Variants in RMDN2 observed in about 807,000 individuals in gnomAD.
RMDN2 encodes regulator of microtubule dynamics 2.
Under a neutral mutation model 52.8 loss-of-function variants are expected in RMDN2, and 61 were observed. That is an observed-to-expected ratio of 1.16 (90% CI 0.94 to 1.43). The LOEUF (loss-of-function observed/expected upper bound fraction) is 1.43, where lower values mean the gene tolerates loss of function less well. RMDN2 is among the 40% of genes most tolerant of loss of function. The pLI is 0.00. For missense variants in RMDN2, 592 were observed against 475.3 expected (o/e 1.25, Z -2.28); for synonymous variants, 180 against 153.1 (o/e 1.18, Z -1.30).
At chr2:37,941,913 C>T (rs145889468) in intron 2 of RMDN2, among the ~76,000 whole-genome samples, 1,735 of 148,314 alleles carry the variant, frequency 0.012, 34 homozygotes, top group African/African-American at 0.041. Flanking sequence ...GGTTCTGTCT[C>T]GCTGGTGTTC....
chr2:37,968,329 G>T (rs536800371), intron 2 of RMDN2, among the ~76,000 whole-genome samples: 1 of 116,920 alleles, frequency 8.6e-6, no homozygotes, highest in Non-Finnish European at 1.7e-5. Flanking sequence ...TGTAATCCCA[G>T]CTTGGGGGGC....
At chr2:37,923,908 C>T (rs1666104894), upstream of RMDN2, among the ~76,000 whole-genome samples, 1 of 152,146 alleles carries the variant, frequency 6.6e-6, no homozygotes, top group African/African-American at 2.4e-5. Context: ...CGCCACCACA[C>T]TCGGCTAATT....
intron 5 of RMDN2, among the ~76,000 whole-genome samples, chr2:37,983,222 T>C (rs1275449928): frequency 6.6e-6 from 1 of 152,212 alleles, no homozygotes; most frequent in Non-Finnish European, 1.5e-5. Context: ...TTGAGGTTAT[T>C]TATCAGTGTG....
chr2:37,969,906 T>G lies in RMDN2; in HGVS notation c.453-4134T>G, dbSNP rs187752866. Reference sequence around the variant, plus strand: ...TCCTGCTTGCTTCCTTGCTTTCTCTTTCTTTCCTTCCTTTCCCTTTCCTGT... The same window carrying G: ...TCCTGCTTGCTTCCTTGCTTTCTCTGTCTTTCCTTCCTTTCCCTTTCCTGT... On this transcript the variant is annotated intron_variant, in intron 2 of 10. Transcript: ENST00000354545. Among the ~76,000 whole-genome samples the G allele has an allele frequency of 3.9e-5, 6 of 152,084 alleles. No homozygotes were observed. The East Asian group carries it at 1.2e-3, about 29-fold the overall frequency.
chr2:37,945,240 T>G (rs1401572757), intron 2 of RMDN2, among the ~76,000 whole-genome samples: 1 of 152,214 alleles, frequency 6.6e-6, no homozygotes, highest in Non-Finnish European at 1.5e-5. Flanking sequence ...AACCAATAGA[T>G]TCTTAAGAAA....
At chr2:37,945,761 A>G (rs1459828375) in intron 2 of RMDN2, among the ~76,000 whole-genome samples, 1 of 152,172 alleles carries the variant, frequency 6.6e-6, no homozygotes, top group Non-Finnish European at 1.5e-5. Context: ...TTTAGACACA[A>G]GGCAGTGGAG....
intron 2 of RMDN2, among the ~76,000 whole-genome samples, chr2:37,941,543 G>T (rs1484827854): frequency 6.6e-6 from 1 of 152,232 alleles, no homozygotes; most frequent in Non-Finnish European, 1.5e-5. Context: ...GGAGTTTTAT[G>T]TGTAAGCACC....
At chr2:38,063,150 G>A (rs1307950672) in intron 10 of RMDN2, among the ~76,000 whole-genome samples, 1 of 152,138 alleles carries the variant, frequency 6.6e-6, no homozygotes, top group Non-Finnish European at 1.5e-5. Context: ...GGATTGCTGG[G>A]TCAAATGGTA....
At chr2:37,948,366 G>T (rs1265275978) in intron 2 of RMDN2, among the ~76,000 whole-genome samples, 2 of 152,142 alleles carry the variant, frequency 1.3e-5, no homozygotes, top group Non-Finnish European at 2.9e-5. Flanking sequence ...ATAAACAAAA[G>T]GTTCATTGGG....
intron 10 of RMDN2, among the ~76,000 whole-genome samples, chr2:38,014,923 T>C (rs572931922): frequency 1.3e-5 from 2 of 152,324 alleles, no homozygotes; most frequent in South Asian, 4.1e-4. Context: ...CAGAGATTTA[T>C]GAGAAAATAA....
At chr2:37,994,788 C>T (rs999908774) in intron 7 of RMDN2, among the ~76,000 whole-genome samples, 5 of 152,188 alleles carry the variant, frequency 3.3e-5, no homozygotes, top group Admixed American at 1.3e-4. Flanking sequence ...CCTAAGTATT[C>T]ACCAAGAGAA....
intron 2 of RMDN2, among the ~76,000 whole-genome samples, chr2:37,955,639 A>G (rs936521170): frequency 6.6e-6 from 1 of 152,092 alleles, no homozygotes; most frequent in Non-Finnish European, 1.5e-5. Context: ...GTAAGTCTCA[A>G]GAGATCTGAT....
intron 2 of RMDN2, among the ~76,000 whole-genome samples, chr2:37,939,349 G>A (rs1212359654): frequency 6.6e-6 from 1 of 152,168 alleles, no homozygotes; most frequent in African/African-American, 2.4e-5. Context: ...GTGTGGTGCT[G>A]AGAAAAATGT....
chr2:37,976,798 A>G (rs1479499620), intron 4 of RMDN2, among the ~76,000 whole-genome samples: 1 of 152,130 alleles, frequency 6.6e-6, no homozygotes, highest in East Asian at 1.9e-4. Flanking sequence ...ATATCTATGT[A>G]AAGTGTTCCA....
intron 2 of RMDN2, among the ~76,000 whole-genome samples, chr2:37,942,708 T>C (rs139452283): frequency 2.6e-5 from 4 of 152,276 alleles, no homozygotes; most frequent in African/African-American, 7.2e-5. Context: ...CATTTAGTCC[T>C]CTCCTATGAA....
At chr2:37,954,433 C>T (rs532930457) in intron 2 of RMDN2, among the ~76,000 whole-genome samples, 2 of 152,196 alleles carry the variant, frequency 1.3e-5, no homozygotes, top group East Asian at 3.9e-4. Context: ...CCAGTTTTCT[C>T]AACACCATTT....
intron 10 of RMDN2, among the ~76,000 whole-genome samples, chr2:38,025,439 C>G (rs1478231051): frequency 6.6e-6 from 1 of 151,962 alleles, no homozygotes; most frequent in Non-Finnish European, 1.5e-5. Context: ...GACAGTTTTA[C>G]TTCTTTCTTT....
intron 7 of RMDN2, among the ~76,000 whole-genome samples, chr2:37,992,358 G>A (rs1334202570): frequency 6.6e-6 from 1 of 152,124 alleles, no homozygotes; most frequent in African/African-American, 2.4e-5. Context: ...TTTCCTGGTT[G>A]TAAGATGGCA....
At chr2:37,923,604 C>G (rs1429846182), upstream of RMDN2, among the ~76,000 whole-genome samples, 1 of 152,078 alleles carries the variant, frequency 6.6e-6, no homozygotes, top group East Asian at 1.9e-4. Flanking sequence ...ATATTGTATT[C>G]TAGTTAAATA....
Sources: gnomAD v4.1 joint callset for allele counts (sites outside exome capture counted in the v4.1 genomes callset) on GRCh38, gnomAD v4.1.1 for gene constraint, MANE v1.5 for transcripts, NCBI Gene and HGNC (gene_info 2026-07-23, HGNC 2026-07-21) for gene names.